The following PTPRQ variants were observed in gnomAD, a reference collection of about 807,000 sequenced individuals.
PTPRQ encodes the protein phosphatidylinositol phosphatase PTPRQ.
A neutral mutation model predicts 246.0 loss-of-function variants in PTPRQ; 199 were observed. That is an observed-to-expected ratio of 0.81 (90% confidence interval 0.72 to 0.91). The LOEUF (loss-of-function observed/expected upper bound fraction) is 0.91, where lower values mean the gene tolerates loss of function less well. Among genes scored for constraint, PTPRQ ranks in the 40% least tolerant of loss-of-function variants. PTPRQ has a pLI of 0.00. For synonymous variants in PTPRQ, 869 were observed against 853.2 expected, an observed-to-expected ratio of 1.02 and a Z score of -0.32; for missense variants, 2,624 against 2,528.4, an observed-to-expected ratio of 1.04 and a Z score of -0.81.
At chr12:80,463,927 A>G (rs1282724159) in intron 6 of PTPRQ, among the ~76,000 whole-genome samples, 1 of 152,040 alleles carries the variant, frequency 6.6e-6, no homozygotes, top group African/African-American at 2.4e-5. Context: ...CAAAATGTAA[A>G]GACCATCGAG....
chr12:80,461,764 T>G (rs189980071), intron 6 of PTPRQ, among the ~76,000 whole-genome samples: 6 of 151,780 alleles, frequency 4.0e-5, no homozygotes, highest in Admixed American at 3.3e-4. Context: ...CTTCTATTAT[T>G]TTTCATTTCA....
intron 7 of PTPRQ, 114 bp downstream of exon 7, chr12:80,468,952 A>T (rs1893536267): frequency 7.2e-7 from 1 of 1,384,338 alleles, no homozygotes; most frequent in Admixed American, 3.3e-5. Context: ...TCTAAGATTG[A>T]AGCAAACAAT....
intron 33 of PTPRQ, among the ~76,000 whole-genome samples, chr12:80,629,857 C>T (rs577062506): frequency 1.7e-4 from 26 of 152,190 alleles, no homozygotes; most frequent in Admixed American, 9.8e-4. Context: ...ATGGAACATA[C>T]ATAAAACTAG....
intron 25 of PTPRQ, among the ~76,000 whole-genome samples, chr12:80,562,981 A>G (rs552227256): frequency 6.6e-6 from 1 of 152,300 alleles, no homozygotes; most frequent in African/African-American, 2.4e-5. Flanking sequence ...TCACAGTTAA[A>G]TTTTATATAT....
chr12:80,540,746 G>A (rs1189003200), intron 20 of PTPRQ, among the ~76,000 whole-genome samples: 2 of 152,068 alleles, frequency 1.3e-5, no homozygotes, highest in Non-Finnish European at 2.9e-5. Context: ...AATGATAAAT[G>A]TGGGGAAATA....
At chr12:80,615,377 G>C (rs1898714185) in intron 29 of PTPRQ, among the ~76,000 whole-genome samples, 2 of 150,900 alleles carry the variant, frequency 1.3e-5, no homozygotes, top group South Asian at 2.1e-4. Flanking sequence ...AACAAATTAA[G>C]TAATTCCAAT....
At chr12:80,646,121 A>G (rs1248746734) in intron 35 of PTPRQ, among the ~76,000 whole-genome samples, 1 of 152,160 alleles carries the variant, frequency 6.6e-6, no homozygotes, top group Non-Finnish European at 1.5e-5. Flanking sequence ...ATCAGTATCA[A>G]TTGTAGAACA....
chr12:80,634,729 C>T (rs1245789993), intron 34 of PTPRQ: 5 of 554,690 alleles, frequency 9.0e-6, no homozygotes, highest in Admixed American at 4.4e-5. Flanking sequence ...AACTTCATCC[C>T]AATAACTTAT....
At chr12:80,672,150 T>C (rs1252365078) in intron 42 of PTPRQ, among the ~76,000 whole-genome samples, 1 of 152,008 alleles carries the variant, frequency 6.6e-6, no homozygotes, top group Non-Finnish European at 1.5e-5. Flanking sequence ...GACTTCTTAC[T>C]ACCAGGCACA....
rs1488448721 is a variant in PTPRQ, at chr12:80,509,460, G to A, written c.2558-863G>A. Reference sequence around the variant, plus strand: ...CTCAGAATTTCTGTTAGCTACCTACGAATTCACATTCCGTGCATAACTGTA... The same window carrying A: ...CTCAGAATTTCTGTTAGCTACCTACAAATTCACATTCCGTGCATAACTGTA... On this transcript the variant is annotated intron_variant, in intron 16 of 44. Transcript: ENST00000644991. Among the ~76,000 whole-genome samples the A allele has an allele frequency of 3.9e-5, 6 of 152,146 alleles. No homozygotes were observed. The East Asian group carries it at 1.2e-3, about 29-fold the overall frequency.
At position 80,616,240 on chromosome 12, in the gene PTPRQ, C is replaced by T. The variant is rs781600182; in HGVS notation, c.5204C>T (p.Pro1735Leu). ...AGTGCTGGTGCAGGTCCAAAGGTTCCGATGAGAATAACCATGGATATCAAA... is the reference window on the plus strand; with the variant it reads ...AGTGCTGGTGCAGGTCCAAAGGTTCTGATGAGAATAACCATGGATATCAAA... ...VNSAGAGPKVPMRITMDIKAP... is the reference protein window; with the variant it reads ...VNSAGAGPKVLMRITMDIKAP... The change falls in exon 30 of 45, where the codon CCG becomes CTG. Residue 1735 changes from proline to leucine, a missense_variant. Coordinates refer to ENST00000644991, the MANE Select transcript of PTPRQ (RefSeq NM_001145026.2). 4.6e-5 allele frequency: 69 copies of T among 1,494,060 alleles called. 1 individual carries two copies. Among genetic ancestry groups the T allele is most frequent in the South Asian group, 3.1e-4 (23 of 74,706 alleles). 92.6% of individuals were successfully genotyped at this position (1,494,060 alleles called of 1,614,324 possible). A position where few individuals can be genotyped will look rare whatever the true frequency, so the allele number is the denominator to read the frequency against.
chr12:80,674,853 C>G (rs968813182), intron 43 of PTPRQ, among the ~76,000 whole-genome samples: 1 of 151,974 alleles, frequency 6.6e-6, no homozygotes, highest in Non-Finnish European at 1.5e-5. Context: ...TTTGTCAGGT[C>G]TGATTACATG....
rs1458424003 is a variant in PTPRQ at position 80,488,583 on chromosome 12, G to T, written c.1359+3978G>T. 2.0e-5 allele frequency among the ~76,000 whole-genome samples: 3 copies of T among 152,002 alleles called. No individual in the cohort carries two copies. The East Asian group carries it at 5.8e-4, about 29-fold the overall frequency. Reference sequence around the variant, plus strand: ...TAAACACCATAAGAACTGAAAACAGGAGTGGTTTAAAGTGTTGCTTCTGGG... The same window carrying T: ...TAAACACCATAAGAACTGAAAACAGTAGTGGTTTAAAGTGTTGCTTCTGGG... On this transcript the variant is annotated intron_variant, in intron 9 of 44. Coordinates refer to ENST00000644991, the MANE Select transcript of PTPRQ (RefSeq NM_001145026.2).
rs1181126992 is a variant in PTPRQ at position 80,632,048 on chromosome 12, G to C, written c.5687-144G>C. On this transcript the variant is annotated intron_variant, in intron 33 of 44. Transcript: ENST00000644991. ...CCCAAAGTTAAAAAATCTAGGAGAA[G>C]AGGAACAAACAAGCTGCTACATTTT... 3.5e-6 allele frequency: 4 copies of C among 1,146,212 alleles called. No homozygotes were observed. The African/African-American group carries it at 6.3e-5, about 18-fold the overall frequency. The allele number at this position is 1,146,212 out of a possible 1,614,324, so 71.0% of individuals were successfully genotyped here. A position where few individuals can be genotyped will look rare whatever the true frequency, so the allele number is the denominator to read the frequency against.
intron 25 of PTPRQ, among the ~76,000 whole-genome samples, chr12:80,586,309 T>C (rs1376125934): frequency 1.3e-5 from 2 of 151,418 alleles, no homozygotes; most frequent in African/African-American, 2.4e-5. Flanking sequence ...TCATCATCAC[T>C]GGCCATCAGA....
At chr12:80,518,561 G>A (rs1452699873) in intron 17 of PTPRQ, among the ~76,000 whole-genome samples, 1 of 152,036 alleles carries the variant, frequency 6.6e-6, no homozygotes, top group Non-Finnish European at 1.5e-5. Context: ...TTTTCACCCA[G>A]ATCAATATCC....
At chr12:80,514,608 T>C (rs1895231547) in intron 17 of PTPRQ, among the ~76,000 whole-genome samples, 1 of 47,894 alleles carries the variant, frequency 2.1e-5, no homozygotes, top group South Asian at 7.1e-4. Context: ...AATATATTTG[T>C]ATATATATTA....
intron 28 of PTPRQ, 85 bp downstream of exon 28, chr12:80,610,710 A>G (rs1898517968): frequency 2.0e-6 from 3 of 1,467,540 alleles, no homozygotes; most frequent in East Asian, 2.5e-5. Flanking sequence ...CCAAAAAAGG[A>G]TATGTGTTAT....
chr12:80,533,989 T>A, intron 17 of PTPRQ, 26 bp from the exon 18 acceptor site: 1 of 1,423,964 alleles, frequency 7.0e-7, no homozygotes, highest in South Asian at 1.6e-5. Context: ...AATTCAATTC[T>A]ACAGATAATA....
Sources: allele counts gnomAD v4.1 joint callset (sites outside exome capture counted in the v4.1 genomes callset), GRCh38; gene constraint gnomAD v4.1.1; transcripts MANE v1.5; gene names NCBI Gene and HGNC (gene_info 2026-07-23, HGNC 2026-07-21).